The following EPG5 variants were observed in gnomAD, a reference collection of about 807,000 sequenced individuals.
EPG5 encodes ectopic P granules protein 5 homolog.
A neutral mutation model predicts 302.7 loss-of-function variants in EPG5; 159 were observed. That is an observed-to-expected ratio of 0.53 (90% CI 0.46 to 0.60). EPG5 has a LOEUF of 0.60. Ranked by LOEUF, EPG5 falls within the 20% of genes least tolerant of loss-of-function variation. EPG5 has a pLI of 0.00. For synonymous variants in EPG5, 1,158 were observed against 1,136.8 expected (o/e 1.02, Z -0.37); for missense variants, 2,896 against 3,092.4 (o/e 0.94, Z 1.51).
chr18:45,842,311 C>T, the EPG5 span: 3 of 1,006,666 alleles, frequency 3.0e-6, no homozygotes, highest in East Asian at 7.6e-5. Context: ...GGTGGCTCCT[C>T]CCCTGCTCAA....
Position 45,939,745 on chromosome 18 carries a change from C to A in EPG5, c.1954G>T (p.Gly652Cys), listed in dbSNP as rs754417895. The A allele has an allele frequency of 5.0e-6, 8 of 1,613,576 alleles. No homozygotes were observed. The Admixed American group carries it at 1.0e-4, about 20-fold the overall frequency. Residue 652 changes from glycine to cysteine, a missense_variant, in exon 10 of 44, where the codon GGT (glycine) becomes TGT (cysteine). By Grantham distance (159) the Gly-to-Cys change is radical. Transcript: ENST00000282041. Reference protein sequence around the residue: ...RIGYMIRMTLGYVSDHWAQYV... With the variant: ...RIGYMIRMTLCYVSDHWAQYV... ...TGTGCCCAATGGTCACTTACATAAC[C>A]AAGAGTCATCCTGAGCATGAGGAAA...
intron 32 of EPG5, 129 bp downstream of exon 32, chr18:45,879,946 A>G: frequency 9.6e-7 from 1 of 1,037,420 alleles, no homozygotes; most frequent in Non-Finnish European, 1.4e-6. Flanking sequence ...AGGGAACCAA[A>G]GCACTTAACA....
At chr18:45,939,154 G>A (rs2050605257) in intron 10 of EPG5, among the ~76,000 whole-genome samples, 5 of 152,170 alleles carry the variant, frequency 3.3e-5, no homozygotes, top group Admixed American at 3.3e-4. Context: ...GCTAAGACAG[G>A]GAACCAAGAT....
At chr18:45,903,635 C>T (rs758096716) in intron 25 of EPG5, among the ~76,000 whole-genome samples, 35 of 152,150 alleles carry the variant, frequency 2.3e-4, no homozygotes, top group Non-Finnish European at 4.7e-4. Flanking sequence ...AGAAAACTAA[C>T]TGGTAATTTA....
chr18:45,815,545 C>G, the EPG5 span, among the ~76,000 whole-genome samples: 2 of 151,988 alleles, frequency 1.3e-5, no homozygotes, highest in African/African-American at 4.8e-5. Context: ...ACAATGGTTG[C>G]AAAAAATAAA....
In EPG5 at chr18:45,916,093, G is replaced by C. The variant is rs771587084; in HGVS notation, c.3498C>G (p.Leu1166=). 17 of 1,614,158 alleles carry C rather than the reference G, an allele frequency of 1.1e-5. No homozygotes were observed. The Admixed American group carries it at 1.3e-4, about 13-fold the overall frequency. ...CTTTACACAAGTGGTCCATGAGGAA[G>C]AGGATAGGTTGTTCTCGGTACCAGA... ...QHLWYREQPI[L]FLMDHLCKAA... is the part of the protein sequence containing the mutation. The change falls in exon 19 of 44, where the codon CTC becomes CTG. Residue 1166 remains leucine (L), a synonymous_variant. Coordinates refer to ENST00000282041, the MANE Select transcript of EPG5 (RefSeq NM_020964.3).
At chr18:45,885,767 A>T (rs1295761784) in intron 29 of EPG5, among the ~76,000 whole-genome samples, 1 of 152,202 alleles carries the variant, frequency 6.6e-6, no homozygotes, top group Non-Finnish European at 1.5e-5. Flanking sequence ...AAGGAAAAAA[A>T]TGACAAACTG....
At chr18:45,804,103 C>T in the EPG5 span, among the ~76,000 whole-genome samples, 30 of 152,094 alleles carry the variant, frequency 2.0e-4, no homozygotes, top group Non-Finnish European at 3.4e-4. Flanking sequence ...TAAATAGAGA[C>T]GCCTAAAATT....
At chr18:45,888,363 G>T (rs2049264271) in intron 28 of EPG5, among the ~76,000 whole-genome samples, 1 of 151,656 alleles carries the variant, frequency 6.6e-6, no homozygotes, top group Admixed American at 6.6e-5. Flanking sequence ...GAGTGCAATG[G>T]CGCAATCTCA....
chr18:45,867,431 T>C (rs1003808419), intron 37 of EPG5, 132 bp downstream of exon 37: 1 of 729,302 alleles, frequency 1.4e-6, no homozygotes, highest in Non-Finnish European at 2.4e-6. Flanking sequence ...TGGTTAAAGG[T>C]ACATCTCATA....
At chr18:45,818,718 G>GT in the EPG5 span, among the ~76,000 whole-genome samples, 1 of 135,730 alleles carries the variant, frequency 7.4e-6, no homozygotes, top group African/African-American at 2.7e-5. Context: ...TTTAATTGGG[G>GT]TTTTTTTGCA....
intron 13 of EPG5, among the ~76,000 whole-genome samples, chr18:45,926,711 C>A (rs2145788766): frequency 6.6e-6 from 1 of 151,792 alleles, no homozygotes; most frequent in African/African-American, 2.4e-5. Flanking sequence ...CCCAACTACT[C>A]AGGAGGCAGG....
chr18:45,898,744 G>A (rs546514084), intron 27 of EPG5, among the ~76,000 whole-genome samples: 73 of 152,266 alleles, frequency 4.8e-4, no homozygotes, highest in Non-Finnish European at 8.5e-4. Context: ...AAAACACTTG[G>A]AACGGGCTGA....
chr18:45,854,680 C>T (rs892691061), intron 43 of EPG5, among the ~76,000 whole-genome samples: 4 of 152,200 alleles, frequency 2.6e-5, no homozygotes, highest in Middle Eastern at 3.4e-3. Flanking sequence ...AGCAACAAAG[C>T]GAGACCCAGT....
In EPG5 at chr18:45,916,519, T is replaced by C. The variant is rs201545867; in HGVS notation, c.3303A>G (p.Gln1101=). The C allele has an allele frequency of 6.2e-7, 1 of 1,613,632 alleles. No individual in the cohort carries two copies. Among genetic ancestry groups the C allele is most frequent in the Non-Finnish European group, 8.5e-7 (1 of 1,179,594 alleles). Reference sequence around the variant, plus strand: ...GCTGTGCCACCTTGTGGGTGACCTGTTGTGTGACACCCTGAGGGACACCGC... The same window carrying C: ...GCTGTGCCACCTTGTGGGTGACCTGCTGTGTGACACCCTGAGGGACACCGC... ...LDSGVPQGVT[Q]QVTHKVAQHL... The change falls in exon 18 of 44, where the codon CAA becomes CAG. Residue 1101 remains glutamine (Q), a synonymous_variant. Transcript: ENST00000282041.
chr18:45,929,460 T>C (rs536131516), intron 12 of EPG5, among the ~76,000 whole-genome samples: 2 of 152,218 alleles, frequency 1.3e-5, no homozygotes, highest in Non-Finnish European at 2.9e-5. Context: ...CCAAAGTGTA[T>C]GTTACAATCC....
At chr18:45,951,266 T>C (rs768675027) in intron 3 of EPG5, 28 bp from the exon 4 acceptor site, 1 of 1,405,598 alleles carries the variant, frequency 7.1e-7, no homozygotes, top group Admixed American at 2.6e-5. Flanking sequence ...TAAATGAGTC[T>C]CTCATAAATG....
chr18:45,892,773 A>C (rs1315556000), intron 27 of EPG5, among the ~76,000 whole-genome samples: 3 of 152,244 alleles, frequency 2.0e-5, no homozygotes, highest in African/African-American at 7.2e-5. Flanking sequence ...GCTTGCAGAT[A>C]GCTGGAAATT....
chr18:45,905,899 G>C (rs184315498), intron 24 of EPG5, among the ~76,000 whole-genome samples: 1 of 152,112 alleles, frequency 6.6e-6, no homozygotes, highest in African/African-American at 2.4e-5. Flanking sequence ...AAAAAGATGA[G>C]GATGGAACTG....
Sources: allele counts gnomAD v4.1 joint callset (sites outside exome capture counted in the v4.1 genomes callset), GRCh38; gene constraint gnomAD v4.1.1; transcripts MANE v1.5; gene names NCBI Gene and HGNC (gene_info 2026-07-23, HGNC 2026-07-21).